Variants in PACS1 observed in about 807,000 individuals in gnomAD.
The protein encoded by PACS1 is PACS-1.
Under a neutral mutation model 115.0 loss-of-function variants are expected in PACS1, and 24 were observed. The ratio of observed to expected loss-of-function variants is 0.21; its 90% CI spans 0.15 to 0.29. PACS1 has a LOEUF of 0.29. Ranked by LOEUF, PACS1 falls within the 10% of genes least tolerant of loss-of-function variation. The pLI, the probability that PACS1 is intolerant of heterozygous loss-of-function variation, is 1.00. For synonymous variants in PACS1, 453 were observed against 504.5 expected (o/e 0.90, Z 1.37); for missense variants, 838 against 1,251.2 (o/e 0.67, Z 4.98).
intron 2 of PACS1, among the ~76,000 whole-genome samples, chr11:66,206,497 C>T (rs561164001): frequency 2.6e-5 from 4 of 152,246 alleles, no homozygotes; most frequent in South Asian, 2.1e-4. Context: ...CACTGCACTC[C>T]GCATCCTGCT....
chr11:66,166,828 A>G (rs1370010420), intron 1 of PACS1, among the ~76,000 whole-genome samples: 2 of 150,290 alleles, frequency 1.3e-5, no homozygotes, highest in Non-Finnish European at 2.9e-5. Flanking sequence ...TTTTATATAT[A>G]TGGGCACTAA....
At chr11:66,237,124 G>T (rs1259273953) in intron 19 of PACS1, among the ~76,000 whole-genome samples, 2 of 152,116 alleles carry the variant, frequency 1.3e-5, no homozygotes, top group Non-Finnish European at 2.9e-5. Flanking sequence ...TCACCATGTT[G>T]GCCAGGATGG....
At chr11:66,085,971 CAG>C (rs1177290350) in intron 1 of PACS1, among the ~76,000 whole-genome samples, 1 of 152,098 alleles carries the variant, frequency 6.6e-6, no homozygotes, top group African/African-American at 2.4e-5. Context: ...GTTGGTCACT[CAG>C]ATATGTAGCA....
At chr11:66,193,930 G>A (rs1292886493) in intron 2 of PACS1, among the ~76,000 whole-genome samples, 1 of 152,160 alleles carries the variant, frequency 6.6e-6, no homozygotes, top group Non-Finnish European at 1.5e-5. Context: ...CTAGATCCAG[G>A]TAGATGCACG....
At chr11:66,096,144 G>A (rs909204106) in intron 1 of PACS1, among the ~76,000 whole-genome samples, 33 of 151,490 alleles carry the variant, frequency 2.2e-4, no homozygotes, top group African/African-American at 8.0e-4. Flanking sequence ...AATTGCCCAG[G>A]CTGGTCTTGA....
intron 1 of PACS1, among the ~76,000 whole-genome samples, chr11:66,107,846 T>C (rs888861243): frequency 1.3e-5 from 2 of 152,212 alleles, no homozygotes; most frequent in Non-Finnish European, 2.9e-5. Flanking sequence ...TTAACAGTGT[T>C]TCACTCTTGG....
chr11:66,112,950 C>G (rs1477155547), intron 1 of PACS1, among the ~76,000 whole-genome samples: 1 of 152,162 alleles, frequency 6.6e-6, no homozygotes, highest in Non-Finnish European at 1.5e-5. Flanking sequence ...AAGCCTTACA[C>G]AGAAGAGCAC....
chr11:66,235,222 G>A lies in PACS1; in HGVS notation c.2105-79G>A, dbSNP rs1855681967. The A allele has an allele frequency of 7.0e-6, 7 of 1,007,032 alleles. No homozygotes were observed. The highest frequency in any genetic ancestry group is 9.4e-6 in the Non-Finnish European group (6 of 636,518). The allele number at this position is 1,007,032 out of a possible 1,614,324, so 62.4% of individuals were successfully genotyped here. A position where few individuals can be genotyped will look rare whatever the true frequency, so the allele number is the denominator to read the frequency against. Reference sequence around the variant, plus strand: ...CCTAGAGTCTGACGGGTCTCAGGAAGGGATCCCTCTCCGAGAGGGTCTGCA... The same window carrying A: ...CCTAGAGTCTGACGGGTCTCAGGAAAGGATCCCTCTCCGAGAGGGTCTGCA... On this transcript the variant is annotated intron_variant, in intron 17 of 23. Coordinates refer to ENST00000320580, the MANE Select transcript of PACS1 (RefSeq NM_018026.4). This position sits in a 1 kb window ranked among gnomAD's most constrained non-coding sequence, Gnocchi z 5.6.
rs1327259063 is a variant in PACS1, at chr11:66,220,735, T to C, written c.1143T>C (p.Ser381=). 1 of 1,614,140 alleles carries C rather than the reference T, an allele frequency of 6.2e-7. No homozygotes were observed. Among genetic ancestry groups the C allele is most frequent in the South Asian group, 1.1e-5 (1 of 91,066 alleles). ...DSLEMYNPSD[S]GPEMEETESI... ...TGGAGATGTACAACCCCAGCGACAG[T>C]GGCCCTGAGATGGAGGAGACAGAAA... is the stretch of plus-strand genomic sequence containing the variant. The change falls in exon 9 of 24, where the codon AGT becomes AGC. Residue 381 remains serine, a synonymous_variant. Coordinates refer to ENST00000320580, the MANE Select transcript of PACS1 (RefSeq NM_018026.4).
At chr11:66,151,027 G>A (rs1422868384) in intron 1 of PACS1, among the ~76,000 whole-genome samples, 2 of 152,082 alleles carry the variant, frequency 1.3e-5, no homozygotes, top group Non-Finnish European at 2.9e-5. Flanking sequence ...GAAAGTTCAG[G>A]GGGGAATCCT....
chr11:66,224,706 T>C lies in PACS1; in HGVS notation c.1294-2798T>C, dbSNP rs573274306. ...TATGTCTGGATGTGGGTGTGAAACT[T>C]TGGAATCCTTTGGTATGAAAGGCGC... On this transcript the variant is annotated intron_variant, in intron 10 of 23. Coordinates refer to ENST00000320580, the MANE Select transcript of PACS1 (RefSeq NM_018026.4). Among the ~76,000 whole-genome samples, 52 of 152,272 alleles carry C rather than the reference T, an allele frequency of 3.4e-4. 1 individual carries two copies. Among genetic ancestry groups the C allele is most frequent in the East Asian group, 1.2e-3 (6 of 5,192 alleles).
At chr11:66,141,899 G>A (rs986083952) in intron 1 of PACS1, among the ~76,000 whole-genome samples, 4 of 151,064 alleles carry the variant, frequency 2.6e-5, no homozygotes, top group African/African-American at 4.9e-5. Flanking sequence ...TCTGTCTCCC[G>A]GGTTCAAGCG....
chr11:66,206,332 G>A (rs1854938042), intron 2 of PACS1, among the ~76,000 whole-genome samples: 1 of 152,118 alleles, frequency 6.6e-6, no homozygotes, highest in Admixed American at 6.6e-5. Context: ...TTTTGAAATT[G>A]GACCCTGGTT....
chr11:66,192,133 A>G (rs1018580102), intron 1 of PACS1, among the ~76,000 whole-genome samples: 1 of 152,194 alleles, frequency 6.6e-6, no homozygotes, highest in South Asian at 2.1e-4. Flanking sequence ...GAATTATATT[A>G]ATTTCTTCAC....
intron 1 of PACS1, among the ~76,000 whole-genome samples, chr11:66,112,219 C>T (rs939786666): frequency 3.9e-5 from 6 of 152,232 alleles, no homozygotes; most frequent in Non-Finnish European, 7.3e-5. Flanking sequence ...TTCTCCTGGC[C>T]TACAAGATCC....
chr11:66,215,588 A>G (rs566136855), intron 4 of PACS1, among the ~76,000 whole-genome samples: 1 of 151,528 alleles, frequency 6.6e-6, no homozygotes, highest in South Asian at 2.1e-4. Context: ...TGACAGAGTG[A>G]GACCCTGCCT....
At position 66,070,909 on chromosome 11, in the gene PACS1, GC is replaced by G; in HGVS notation, c.356+71del. The G allele has an allele frequency of 7.6e-7, 1 of 1,312,636 alleles. No individual in the cohort carries two copies. Among genetic ancestry groups the G allele is most frequent in the Non-Finnish European group, 9.8e-7 (1 of 1,021,670 alleles). The allele number at this position is 1,312,636 out of a possible 1,614,324, so 81.3% of individuals were successfully genotyped here. ...TGGCCGCCGGGGCCCAGCCCTCCCC[GC>G]CCCAGCGCCCATGGGGTCCCCGCCC... On this transcript the variant is annotated intron_variant, in intron 1 of 23. Coordinates refer to ENST00000320580, the MANE Select transcript of PACS1 (RefSeq NM_018026.4). This position sits in a 1 kb window ranked among gnomAD's most constrained non-coding sequence, Gnocchi z 5.9.
chr11:66,175,830 C>G (rs11227422), intron 1 of PACS1, among the ~76,000 whole-genome samples: 5,548 of 152,196 alleles, frequency 0.036, 327 homozygotes, highest in African/African-American at 0.13. Flanking sequence ...TTTTCCTTCT[C>G]TACTCTTGGC....
At chr11:66,105,836 CT>C (rs1286655000) in intron 1 of PACS1, among the ~76,000 whole-genome samples, 3 of 152,148 alleles carry the variant, frequency 2.0e-5, no homozygotes, top group Non-Finnish European at 4.4e-5. Context: ...CTACAGTATA[CT>C]TTCTGGGAGG....
Sources: allele counts gnomAD v4.1 joint callset (sites outside exome capture counted in the v4.1 genomes callset), GRCh38; gene constraint gnomAD v4.1.1; non-coding constraint Gnocchi (gnomAD v3.1); transcripts MANE v1.5; gene names NCBI Gene and HGNC (gene_info 2026-07-23, HGNC 2026-07-21).